Variants in RNF217 observed in about 807,000 individuals in gnomAD.
RNF217 encodes ring finger protein 217.
Under a neutral mutation model 57.8 loss-of-function variants are expected in RNF217, and 31 were observed. The observed-to-expected ratio is 0.54, with a 90% CI of 0.40 to 0.72. RNF217 has a LOEUF of 0.72. Ranked by LOEUF, RNF217 falls within the 30% of genes least tolerant of loss-of-function variation. The pLI, the probability that RNF217 is intolerant of heterozygous loss-of-function variation, is 0.00. For synonymous variants in RNF217, 313 were observed against 294.0 expected (o/e 1.06, Z -0.66); for missense variants, 696 against 708.3 (o/e 0.98, Z 0.20).
At chr6:124,968,282 A>G (rs2114982301) in intron 1 of RNF217, among the ~76,000 whole-genome samples, 1 of 152,216 alleles carries the variant, frequency 6.6e-6, no homozygotes, top group African/African-American at 2.4e-5. Flanking sequence ...TAAAAATTTG[A>G]AAAGTGGGAA....
intron 1 of RNF217, among the ~76,000 whole-genome samples, chr6:125,017,629 A>C (rs1785661565): frequency 6.6e-6 from 1 of 152,228 alleles, no homozygotes; most frequent in South Asian, 2.1e-4. Context: ...TCTGTTCTAT[A>C]GGCCTTTAAG....
intron 1 of RNF217, among the ~76,000 whole-genome samples, chr6:124,986,681 A>G (rs1205777350): frequency 1.3e-5 from 2 of 152,186 alleles, no homozygotes; most frequent in African/African-American, 4.8e-5. Flanking sequence ...CATTTTCTGT[A>G]AAAGGCCAGA....
intron 3 of RNF217, among the ~76,000 whole-genome samples, chr6:125,069,542 A>G (rs1788060933): frequency 1.3e-5 from 2 of 152,114 alleles, no homozygotes; most frequent in South Asian, 2.1e-4. Flanking sequence ...CATTTTCTTT[A>G]TCCAGTCCAC....
At chr6:124,987,190 C>T (rs927718112) in intron 1 of RNF217, among the ~76,000 whole-genome samples, 1 of 152,126 alleles carries the variant, frequency 6.6e-6, no homozygotes, top group Non-Finnish European at 1.5e-5. Flanking sequence ...CTCAGTTGCA[C>T]AGTCAAATGG....
chr6:125,002,497 G>C (rs1165961357), intron 1 of RNF217, among the ~76,000 whole-genome samples: 1 of 152,106 alleles, frequency 6.6e-6, no homozygotes. Context: ...TCTATGCTTT[G>C]TTTTGGTTTC....
At chr6:125,049,585 T>C (rs1456221946) in intron 2 of RNF217, among the ~76,000 whole-genome samples, 1 of 152,002 alleles carries the variant, frequency 6.6e-6, no homozygotes, top group Non-Finnish European at 1.5e-5. Context: ...TCCACGTCTT[T>C]AACTGGGGAT....
At chr6:124,978,472 A>G (rs1488132352) in intron 1 of RNF217, among the ~76,000 whole-genome samples, 1 of 151,424 alleles carries the variant, frequency 6.6e-6, no homozygotes, top group East Asian at 1.9e-4. Context: ...TAACTCAGAG[A>G]TGCCAGCAGT....
intron 1 of RNF217, among the ~76,000 whole-genome samples, chr6:125,004,144 T>C (rs190196398): frequency 3.9e-5 from 6 of 152,278 alleles, no homozygotes; most frequent in Admixed American, 3.3e-4. Context: ...AAAGGAAATA[T>C]TAGACAAATG....
At chr6:125,038,755 T>G (rs1469177617) in intron 1 of RNF217, among the ~76,000 whole-genome samples, 1 of 152,198 alleles carries the variant, frequency 6.6e-6, no homozygotes, top group Non-Finnish European at 1.5e-5. Context: ...CTTTATACTA[T>G]GGACTTTTTC....
At chr6:125,017,625 C>A (rs577931292) in intron 1 of RNF217, among the ~76,000 whole-genome samples, 2 of 152,252 alleles carry the variant, frequency 1.3e-5, no homozygotes, top group Admixed American at 6.5e-5. Context: ...ATTATCTGTT[C>A]TATAGGCCTT....
intron 3 of RNF217, among the ~76,000 whole-genome samples, chr6:125,068,604 A>T (rs572344063): frequency 4.6e-5 from 7 of 152,272 alleles, no homozygotes; most frequent in Admixed American, 4.6e-4. Flanking sequence ...ATATTTTTTC[A>T]TGCATTTGGC....
chr6:124,970,250 CAA>C (rs1783715006), intron 1 of RNF217, among the ~76,000 whole-genome samples: 1 of 151,924 alleles, frequency 6.6e-6, no homozygotes, highest in South Asian at 2.1e-4. Context: ...CTGTAGGAGT[CAA>C]GAGTGGAAGT....
Position 125,083,782 on chromosome 6 carries a change from A to C in RNF217, c.*845A>C, listed in dbSNP as rs1168063748. Reference sequence around the variant, plus strand: ...TTCTTTTTGTCACACAAACACAGAAATTTGTGCAACGTCACCCCAAGGAGT... The same window carrying C: ...TTCTTTTTGTCACACAAACACAGAACTTTGTGCAACGTCACCCCAAGGAGT... On this transcript the variant is annotated 3_prime_UTR_variant, in exon 6 of 6. Coordinates refer to ENST00000521654, the MANE Select transcript of RNF217 (RefSeq NM_001286398.3). 6.6e-6 allele frequency: 1 copy of C among 152,102 alleles called. No individual in the cohort carries two copies. The highest frequency in any genetic ancestry group is 2.1e-4 in the South Asian group (1 of 4,828). The allele number at this position is 152,102 out of a possible 1,614,324, so 9.4% of individuals were successfully genotyped here.
intron 4 of RNF217, among the ~76,000 whole-genome samples, chr6:125,080,571 G>T (rs567332490): frequency 1.3e-4 from 20 of 152,048 alleles, no homozygotes; most frequent in Admixed American, 6.6e-4. Flanking sequence ...CATTTGAGTT[G>T]TGCGGCCCTG....
At chr6:125,070,396 A>T (rs1175269598) in intron 3 of RNF217, among the ~76,000 whole-genome samples, 1 of 152,194 alleles carries the variant, frequency 6.6e-6, no homozygotes, top group East Asian at 1.9e-4. Context: ...GGATCAAATG[A>T]TAGCTTTACT....
At chr6:125,057,905 A>G (rs1787580741) in intron 2 of RNF217, 37 bp from the exon 3 acceptor site, 1 of 1,548,402 alleles carries the variant, frequency 6.5e-7, no homozygotes, top group Admixed American at 1.8e-5. Flanking sequence ...CTTTCAGTAT[A>G]TCCACTAGTA....
intron 1 of RNF217, among the ~76,000 whole-genome samples, chr6:125,015,253 C>A (rs545692692): frequency 5.5e-4 from 83 of 152,180 alleles, no homozygotes; most frequent in African/African-American, 1.9e-3. Flanking sequence ...TTACTTTACA[C>A]CCCTGTAAAA....
At chr6:124,976,388 C>T (rs1405824541) in intron 1 of RNF217, among the ~76,000 whole-genome samples, 1 of 152,024 alleles carries the variant, frequency 6.6e-6, no homozygotes, top group Non-Finnish European at 1.5e-5. Flanking sequence ...CCTGCCTCAG[C>T]CTCCTGAGTA....
intron 1 of RNF217, among the ~76,000 whole-genome samples, chr6:124,994,188 C>T (rs1049601278): frequency 6.6e-5 from 10 of 152,170 alleles, no homozygotes; most frequent in Admixed American, 2.0e-4. Flanking sequence ...AATGTTTAAA[C>T]ATATTTTTAA....
Sources: allele counts gnomAD v4.1 joint callset (sites outside exome capture counted in the v4.1 genomes callset), GRCh38; gene constraint gnomAD v4.1.1; transcripts MANE v1.5; gene names NCBI Gene and HGNC (gene_info 2026-07-23, HGNC 2026-07-21).